The following AGO2 variants were observed in gnomAD, a reference collection of about 807,000 sequenced individuals.
The protein encoded by AGO2 is protein argonaute-2.
In AGO2, 5 loss-of-function variants were observed where a neutral mutation model predicts 102.3. That is an observed-to-expected ratio of 0.05 (90% confidence interval 0.03 to 0.10). AGO2 has a LOEUF of 0.10. AGO2 is among the 10% of genes least tolerant of loss of function. The pLI, the probability that AGO2 is intolerant of heterozygous loss-of-function variation, is 1.00. For missense variants in AGO2, 541 were observed against 1,183.7 expected, an observed-to-expected ratio of 0.46 and a Z score of 7.97; for synonymous variants, 449 against 473.1, an observed-to-expected ratio of 0.95 and a Z score of 0.66.
chr8:140,558,446 G>A (rs1481102402), intron 7 of AGO2, 39 bp downstream of exon 7: 1 of 1,609,740 alleles, frequency 6.2e-7, no homozygotes, highest in East Asian at 2.2e-5. Flanking sequence ...TGACAGTGGG[G>A]GCCCCAGCCA....
intron 1 of AGO2, among the ~76,000 whole-genome samples, chr8:140,587,624 CAAG>C (rs1185732365): frequency 6.6e-6 from 1 of 152,208 alleles, no homozygotes; most frequent in African/African-American, 2.4e-5. Context: ...ATGGGGATGA[CAAG>C]AAGGGCACTG....
chr8:140,579,525 C>T (rs1048258156), intron 2 of AGO2, among the ~76,000 whole-genome samples: 1 of 152,134 alleles, frequency 6.6e-6, no homozygotes, highest in Non-Finnish European at 1.5e-5. Flanking sequence ...TAACCACTTG[C>T]TACTTAGTTG....
chr8:140,632,221 C>T (rs2074351303), intron 1 of AGO2, among the ~76,000 whole-genome samples: 1 of 152,210 alleles, frequency 6.6e-6, no homozygotes, highest in South Asian at 2.1e-4. Context: ...TTCCTATGCA[C>T]TTACTTAAAT....
chr8:140,590,833 A>T (rs9644532), intron 1 of AGO2, among the ~76,000 whole-genome samples: 2 of 152,054 alleles, frequency 1.3e-5, no homozygotes, highest in African/African-American at 4.8e-5. Flanking sequence ...GCTGGCCATC[A>T]ACCAGAGCCC....
chr8:140,567,315 G>A lies in AGO2; in HGVS notation c.337-4681C>T, dbSNP rs552545291. Among the ~76,000 whole-genome samples, 4 of 152,360 alleles carry A rather than the reference G, an allele frequency of 2.6e-5. No individual in the cohort carries two copies. Among genetic ancestry groups the A allele is most frequent in the Admixed American group, 1.3e-4 (2 of 15,310 alleles). On this transcript the variant is annotated intron_variant, in intron 3 of 18. Transcript: ENST00000220592. This position sits in a 1 kb window ranked among gnomAD's most constrained non-coding sequence, Gnocchi z 5.0. The stretch of plus-strand genomic sequence containing the variant: ...GATTTTACGACGGCCATCACGCCAC[G>A]AGGGCAGGAGGCACATGGCTCTCCA...
At chr8:140,632,527 T>G (rs1428168259) in intron 1 of AGO2, among the ~76,000 whole-genome samples, 1 of 152,230 alleles carries the variant, frequency 6.6e-6, no homozygotes, top group Non-Finnish European at 1.5e-5. Flanking sequence ...GGTTACTTTG[T>G]GGCAAATCTG....
chr8:140,522,726 GGAGAGAGAGA>G lies in AGO2; in HGVS notation c.*9308_*9317del, dbSNP rs147783622. 2 of 120,990 alleles carry G rather than the reference GGAGAGAGAGA, an allele frequency of 1.7e-5. No individual in the cohort carries two copies. The highest frequency in any genetic ancestry group is 5.5e-4 in the East Asian group (2 of 3,604). 7.5% of individuals were successfully genotyped at this position (120,990 alleles called of 1,614,324 possible). ...AGAGGGAGGGGGAGGGGGGAGAGGG[GGAGAGAGAGA>G]GAGAGAGAGAGAGGTGTATCACTGA... On this transcript the variant is annotated 3_prime_UTR_variant, in exon 19 of 19. Transcript: ENST00000220592.
intron 1 of AGO2, chr8:140,591,684 C>T (rs1455752056): frequency 1.3e-5 from 2 of 152,322 alleles, no homozygotes; most frequent in East Asian, 1.9e-4. Flanking sequence ...CCACCATTAT[C>T]TCTTTGAGAA....
At chr8:140,639,305 C>A (rs1199143404), upstream of AGO2, among the ~76,000 whole-genome samples, 1 of 152,090 alleles carries the variant, frequency 6.6e-6, no homozygotes, top group African/African-American at 2.4e-5. Context: ...CACGGTGAAA[C>A]CCTGTCTCTA....
chr8:140,559,644 G>T (rs2073163500), intron 5 of AGO2, 115 bp from the exon 6 acceptor site: 4 of 1,393,098 alleles, frequency 2.9e-6, no homozygotes, highest in Non-Finnish European at 3.9e-6. Context: ...CACCCGGCCG[G>T]GGTTCTCACT....
chr8:140,572,829 G>A lies in AGO2; in HGVS notation c.319C>T (p.Pro107Ser). The A allele has an allele frequency of 2.5e-6, 4 of 1,612,494 alleles. No homozygotes were observed. Among genetic ancestry groups the A allele is most frequent in the Non-Finnish European group, 3.4e-6 (4 of 1,179,540 alleles). Residue 107 changes from proline (P) to serine (S), a missense_variant, in exon 3 of 19, where the codon CCG (proline) becomes TCG (serine). Transcript: ENST00000220592. Reference sequence around the variant, plus strand: ...GAGCTTACCTTGTCCCTCCCAATCGGAAGGGGCATGGCTGTGTATAGATTC... The same window carrying A: ...GAGCTTACCTTGTCCCTCCCAATCGAAAGGGGCATGGCTGTGTATAGATTC... ...RKNLYTAMPL[P>S]IGRDKVELEV...
chr8:140,619,183 C>T (rs564323811), intron 1 of AGO2, among the ~76,000 whole-genome samples: 5 of 152,318 alleles, frequency 3.3e-5, no homozygotes, highest in African/African-American at 1.2e-4. Context: ...GACACAGCCA[C>T]CCGCACCTGG....
chr8:140,609,294 G>A (rs2074044451), intron 1 of AGO2, among the ~76,000 whole-genome samples: 1 of 152,246 alleles, frequency 6.6e-6, no homozygotes, highest in Non-Finnish European at 1.5e-5. Flanking sequence ...GCAGAAACGG[G>A]GAACCTAGGA....
chr8:140,560,326 C>A lies in AGO2; in HGVS notation c.655+48G>T, dbSNP rs756957845. On this transcript the variant is annotated intron_variant, in intron 5 of 18. Transcript: ENST00000220592. Reference sequence around the variant, plus strand: ...CCCGACCGGGGTCCTGACCCCCCAGCCCATGCCCAACCCTGCCCTGCAGTG... The same window carrying A: ...CCCGACCGGGGTCCTGACCCCCCAGACCATGCCCAACCCTGCCCTGCAGTG... The A allele has an allele frequency of 1.9e-5, 30 of 1,592,626 alleles. No individual in the cohort carries two copies. In the African/African-American group the frequency reaches 3.9e-4, roughly 21 times the overall value.
chr8:140,551,241 T>C (rs1362124436), intron 11 of AGO2, 62 bp downstream of exon 11: 2 of 1,412,266 alleles, frequency 1.4e-6, no homozygotes, highest in Non-Finnish European at 9.3e-7. Flanking sequence ...CTGCAAGTGG[T>C]CACTTGAGCT....
At chr8:140,606,330 T>C (rs1455312316) in intron 1 of AGO2, among the ~76,000 whole-genome samples, 3 of 152,222 alleles carry the variant, frequency 2.0e-5, no homozygotes, top group African/African-American at 7.2e-5. Flanking sequence ...GCGAGGAGCA[T>C]GCAGTTCACT....
At chr8:140,562,767 C>T in intron 3 of AGO2, 133 bp from the exon 4 acceptor site, 1 of 948,974 alleles carries the variant, frequency 1.1e-6, no homozygotes, top group South Asian at 1.6e-5. Flanking sequence ...AACCACTAGC[C>T]ACATGTGGCT....
At chr8:140,548,809 T>A (rs1397841357) in intron 12 of AGO2, among the ~76,000 whole-genome samples, 4 of 151,984 alleles carry the variant, frequency 2.6e-5, no homozygotes, top group Non-Finnish European at 5.9e-5. Context: ...AAACAAACGT[T>A]CCCCCATCCA....
At chr8:140,578,198 C>T (rs1175221884) in intron 2 of AGO2, among the ~76,000 whole-genome samples, 1 of 152,200 alleles carries the variant, frequency 6.6e-6, no homozygotes. Flanking sequence ...CAGGATGGCA[C>T]CTTGCTGCCT....
Sources: gnomAD v4.1 joint callset for allele counts (sites outside exome capture counted in the v4.1 genomes callset) on GRCh38, gnomAD v4.1.1 for gene constraint, Gnocchi (gnomAD v3.1) non-coding constraint, MANE v1.5 for transcripts, NCBI Gene and HGNC (gene_info 2026-07-23, HGNC 2026-07-21) for gene names.